Variants in SENP7 observed in about 807,000 individuals in gnomAD.
SENP7 encodes the protein sentrin-specific protease 7.
A neutral mutation model predicts 141.2 loss-of-function variants in SENP7; 64 were observed. The observed-to-expected ratio is 0.45, with a 90% CI of 0.37 to 0.56. SENP7 has a LOEUF of 0.56. SENP7 is among the 20% of genes least tolerant of loss of function. SENP7 has a pLI of 0.00. For synonymous variants in SENP7, 382 were observed against 426.4 expected, an observed-to-expected ratio of 0.90 and a Z score of 1.28; for missense variants, 1,025 against 1,212.2, an observed-to-expected ratio of 0.85 and a Z score of 2.29.
chr3:101,485,733 C>G (rs1455793629), intron 3 of SENP7, among the ~76,000 whole-genome samples: 1 of 152,134 alleles, frequency 6.6e-6, no homozygotes, highest in African/African-American at 2.4e-5. Flanking sequence ...CACACTAGTT[C>G]ACCAGCAATG....
intron 6 of SENP7, among the ~76,000 whole-genome samples, chr3:101,397,361 C>T (rs892730811): frequency 1.3e-5 from 2 of 151,538 alleles, no homozygotes; most frequent in Admixed American, 1.3e-4. Context: ...TTGAACTCCT[C>T]GCCTCAAGTG....
At chr3:101,463,375 A>ATATATATG (rs1171181685) in intron 3 of SENP7, among the ~76,000 whole-genome samples, 1 of 86,744 alleles carries the variant, frequency 1.2e-5, no homozygotes, top group Non-Finnish European at 2.2e-5. Context: ...ATATATATAT[A>ATATATATG]TATATATATA....
chr3:101,333,524 T>C (rs1183769578), intron 17 of SENP7, among the ~76,000 whole-genome samples: 1 of 152,110 alleles, frequency 6.6e-6, no homozygotes, highest in African/African-American at 2.4e-5. Flanking sequence ...ACCCTATCTC[T>C]AAAAAATAAA....
At chr3:101,338,355 C>T (rs1446497686) in intron 16 of SENP7, among the ~76,000 whole-genome samples, 1 of 152,012 alleles carries the variant, frequency 6.6e-6, no homozygotes, top group African/African-American at 2.4e-5. Context: ...CACTGCTAAA[C>T]AAATCTAGAA....
chr3:101,495,966 T>C (rs1279724001), intron 2 of SENP7, among the ~76,000 whole-genome samples: 2 of 152,198 alleles, frequency 1.3e-5, no homozygotes, highest in Non-Finnish European at 2.9e-5. Flanking sequence ...CCAATACATG[T>C]TGAATACCCA....
intron 5 of SENP7, among the ~76,000 whole-genome samples, chr3:101,408,880 G>A (rs1221791486): frequency 5.3e-5 from 8 of 152,070 alleles, no homozygotes; most frequent in Non-Finnish European, 8.8e-5. Flanking sequence ...ACAAGACAAG[G>A]ATGCCCACTC....
chr3:101,357,903 T>A (rs1576072895), intron 11 of SENP7: 1 of 581,928 alleles, frequency 1.7e-6, no homozygotes, highest in South Asian at 1.6e-5. Flanking sequence ...ACACATAAGA[T>A]AATTCACACT....
intron 4 of SENP7, among the ~76,000 whole-genome samples, chr3:101,443,271 G>A (rs1238546874): frequency 9.2e-5 from 14 of 152,192 alleles, no homozygotes; most frequent in East Asian, 3.9e-4. Context: ...GATATGCGGC[G>A]TTATTTCCGA....
intron 1 of SENP7, among the ~76,000 whole-genome samples, chr3:101,507,762 C>T (rs1559927080): frequency 6.6e-6 from 1 of 151,926 alleles, no homozygotes; most frequent in East Asian, 1.9e-4. Context: ...AAATTGGATA[C>T]ATTCCTGGCT....
At chr3:101,466,981 ATACTGC>A (rs1190009765) in intron 3 of SENP7, among the ~76,000 whole-genome samples, 1 of 152,160 alleles carries the variant, frequency 6.6e-6, no homozygotes, top group Non-Finnish European at 1.5e-5. Flanking sequence ...TCCCGCCCAA[ATACTGC>A]ACTTTTCCCA....
intron 6 of SENP7, among the ~76,000 whole-genome samples, chr3:101,395,260 C>T (rs1402087766): frequency 6.6e-6 from 1 of 152,186 alleles, no homozygotes; most frequent in Admixed American, 6.5e-5. Context: ...TGTTTTCTTC[C>T]AGCAGTTTTA....
At chr3:101,453,706 G>C (rs2063241292) in intron 4 of SENP7, among the ~76,000 whole-genome samples, 1 of 151,930 alleles carries the variant, frequency 6.6e-6, no homozygotes, top group Admixed American at 6.6e-5. Flanking sequence ...TCACACACCG[G>C]GGCCTGTTGT....
rs1006367506 is a variant in SENP7, at chr3:101,324,943, G to C, written c.*1000C>G. On this transcript the variant is annotated 3_prime_UTR_variant, in exon 24 of 24. Transcript: ENST00000394095. ...AAAATTAAGTTCCATGAGGATCATA[G>C]GTCTCTAAAAGCTACAATTTAAAAA... is the stretch of plus-strand genomic sequence containing the variant. The C allele has an allele frequency of 1.3e-5, 2 of 151,898 alleles. No homozygotes were observed. The highest frequency in any genetic ancestry group is 4.8e-5 in the African/African-American group (2 of 41,380). 9.4% of individuals were successfully genotyped at this position (151,898 alleles called of 1,614,324 possible).
At chr3:101,342,512 C>T (rs2059353033) in intron 14 of SENP7, among the ~76,000 whole-genome samples, 2 of 152,134 alleles carry the variant, frequency 1.3e-5, no homozygotes, top group African/African-American at 4.8e-5. Context: ...TCTTATCATA[C>T]ACAACCATAA....
In SENP7 at chr3:101,347,937, C is replaced by G. The variant is rs1054506792; in HGVS notation, c.1772G>C (p.Trp591Ser). Residue 591 changes from tryptophan (W) to serine (S), a missense_variant, in exon 13 of 24, where the codon TGG becomes TCG. By Grantham distance (177) the Trp-to-Ser change is radical (BLOSUM62 -3). Transcript: ENST00000394095. Reference protein sequence around the residue: ...SKRSHAILFFWVSSDYLQEIQ... With the variant: ...SKRSHAILFFSVSSDYLQEIQ... ...CTCTTGAAGATAATCTGAAGAGACC[C>G]AGAAGAAAAGAATAGCATGACTCCT... is the stretch of plus-strand genomic sequence containing the variant. 6.2e-7 allele frequency: 1 copy of G among 1,609,660 alleles called. No individual in the cohort carries two copies.
At chr3:101,508,237 G>A (rs1653905154) in intron 1 of SENP7, among the ~76,000 whole-genome samples, 1 of 151,800 alleles carries the variant, frequency 6.6e-6, no homozygotes, top group African/African-American at 2.4e-5. Context: ...TCAAAACAAT[G>A]GACTCATCTT....
Position 101,376,507 on chromosome 3 carries a change from T to G in SENP7, c.678-4381A>C, listed in dbSNP as rs115033951. On this transcript the variant is annotated intron_variant, in intron 6 of 23. Transcript: ENST00000394095. ...ACAAGTAAAGTATAGTATTACAGAC[T>G]AGTATATAAGAAATGGCTGGCAAAC... is the stretch of plus-strand genomic sequence containing the variant. 5.5e-3 allele frequency among the ~76,000 whole-genome samples: 840 copies of G among 151,664 alleles called. 10 individuals are homozygous for G. The highest frequency in any genetic ancestry group is 0.02 in the African/African-American group (814 of 41,456).
intron 1 of SENP7, among the ~76,000 whole-genome samples, chr3:101,503,426 C>A (rs1308617250): frequency 6.6e-6 from 1 of 152,122 alleles, no homozygotes; most frequent in Admixed American, 6.5e-5. Context: ...TATTTTTGTT[C>A]TTAATATCCA....
chr3:101,387,513 G>A (rs908081156), intron 6 of SENP7, among the ~76,000 whole-genome samples: 4 of 151,956 alleles, frequency 2.6e-5, no homozygotes, highest in African/African-American at 4.8e-5. Context: ...TTCTGCTGGC[G>A]GCACCCACAC....
Sources: allele counts gnomAD v4.1 joint callset (sites outside exome capture counted in the v4.1 genomes callset), GRCh38; gene constraint gnomAD v4.1.1; transcripts MANE v1.5; gene names NCBI Gene and HGNC (gene_info 2026-07-23, HGNC 2026-07-21).